CELF2: variants seen among roughly 807,000 people sequenced by gnomAD.
CELF2 encodes the protein CUGBP Elav-like family member 2, also known as CUG triplet repeat RNA-binding protein 2.
CELF2 carries 8 observed loss-of-function variants against 62.6 expected under a neutral mutation model. The observed-to-expected ratio is 0.13, with a 90% CI of 0.07 to 0.23. The LOEUF is 0.23. Among genes scored for constraint, CELF2 ranks in the 10% least tolerant of loss-of-function variants. The pLI is 1.00. For synonymous variants in CELF2, 258 were observed against 250.0 expected (o/e 1.03, Z -0.30); for missense variants, 333 against 671.0 (o/e 0.50, Z 5.56).
chr10:11,123,514 T>A (rs1029971136), intron 1 of CELF2, among the ~76,000 whole-genome samples: 2 of 152,114 alleles, frequency 1.3e-5, no homozygotes, highest in Admixed American at 1.3e-4. Flanking sequence ...CCTCCCAAAG[T>A]GCTGAGATTA....
At chr10:11,283,767 C>G (rs1268942747) in intron 8 of CELF2, among the ~76,000 whole-genome samples, 1 of 147,342 alleles carries the variant, frequency 6.8e-6, no homozygotes, top group African/African-American at 2.5e-5. Context: ...TGTCATTAAT[C>G]AGTGCCAGAT....
At chr10:10,814,639 T>C (rs1458430245) in intron 1 of CELF2, among the ~76,000 whole-genome samples, 1 of 152,178 alleles carries the variant, frequency 6.6e-6, no homozygotes, top group Non-Finnish European at 1.5e-5. Flanking sequence ...AGATTTAAGA[T>C]TTTGAGCTGG....
intron 1 of CELF2, among the ~76,000 whole-genome samples, chr10:10,800,113 G>A (rs2054512899): frequency 6.6e-6 from 1 of 152,064 alleles, no homozygotes; most frequent in South Asian, 2.1e-4. Flanking sequence ...TTATTTTTAA[G>A]AACAAGATTA....
At chr10:11,099,486 A>G (rs1375631934) in intron 1 of CELF2, among the ~76,000 whole-genome samples, 1 of 151,888 alleles carries the variant, frequency 6.6e-6, no homozygotes, top group Non-Finnish European at 1.5e-5. Flanking sequence ...TTGGCTCTTT[A>G]CGAGGTCTTT....
chr10:10,699,145 A>AT, the CELF2 span, among the ~76,000 whole-genome samples: 2 of 152,192 alleles, frequency 1.3e-5, no homozygotes, highest in African/African-American at 4.8e-5. Flanking sequence ...AAAACAGTAG[A>AT]TGTAAAAGAT....
chr10:10,698,596 T>A, the CELF2 span, among the ~76,000 whole-genome samples: 3,463 of 152,324 alleles, frequency 0.023, 107 homozygotes, highest in South Asian at 0.081. Flanking sequence ...CTGGGTGAGG[T>A]GTGTATTTAA....
chr10:10,896,162 A>G (rs1230443403), intron 1 of CELF2, among the ~76,000 whole-genome samples: 2 of 152,214 alleles, frequency 1.3e-5, no homozygotes, highest in Non-Finnish European at 2.9e-5. Flanking sequence ...ATTAAAGGTC[A>G]TAGTGACTGG....
chr10:10,489,734 A>G, the CELF2 span, among the ~76,000 whole-genome samples: 1 of 152,064 alleles, frequency 6.6e-6, no homozygotes, highest in Non-Finnish European at 1.5e-5. Context: ...GTGCTAATAT[A>G]TCCTGTGTGG....
the CELF2 span, among the ~76,000 whole-genome samples, chr10:10,535,124 A>G: frequency 6.6e-6 from 1 of 152,202 alleles, no homozygotes; most frequent in African/African-American, 2.4e-5. Context: ...GTGTTAGAGA[A>G]GTTGAAGCAC....
chr10:11,089,757 G>A (rs1232991983), intron 1 of CELF2, among the ~76,000 whole-genome samples: 1 of 152,160 alleles, frequency 6.6e-6, no homozygotes, highest in Non-Finnish European at 1.5e-5. Flanking sequence ...GTTCACAATA[G>A]CAAAGACACG....
At chr10:11,282,973 G>T (rs1198675219) in intron 8 of CELF2, among the ~76,000 whole-genome samples, 2 of 152,218 alleles carry the variant, frequency 1.3e-5, no homozygotes, top group Admixed American at 6.5e-5. Flanking sequence ...TCACTCTGTT[G>T]CCCAGGCTGG....
the CELF2 span, among the ~76,000 whole-genome samples, chr10:10,788,680 C>G: frequency 2.0e-5 from 3 of 151,988 alleles, no homozygotes; most frequent in Non-Finnish European, 2.9e-5. Flanking sequence ...CCAGGCTGAT[C>G]TCGAACTCCT....
intron 1 of CELF2, among the ~76,000 whole-genome samples, chr10:10,877,886 G>A (rs949039937): frequency 3.3e-5 from 5 of 152,152 alleles, no homozygotes; most frequent in African/African-American, 4.8e-5. Flanking sequence ...CTGACCTCCT[G>A]TAGTTGAGAG....
chr10:10,718,983 C>G, the CELF2 span, among the ~76,000 whole-genome samples: 6 of 142,616 alleles, frequency 4.2e-5, no homozygotes, highest in Non-Finnish European at 7.6e-5. Context: ...CTTTATTATT[C>G]TCTTTTTTTT....
chr10:11,129,221 A>T (rs544192222), intron 1 of CELF2, among the ~76,000 whole-genome samples: 1 of 152,310 alleles, frequency 6.6e-6, no homozygotes, highest in East Asian at 1.9e-4. Flanking sequence ...CATCCCAGGG[A>T]TGAAGCCGAC....
intron 2 of CELF2, among the ~76,000 whole-genome samples, chr10:11,206,002 T>C (rs1051009120): frequency 6.6e-6 from 1 of 152,250 alleles, no homozygotes; most frequent in African/African-American, 2.4e-5. Context: ...AAGTAGATTA[T>C]GACGTCCTTA....
At chr10:11,106,618 C>T (rs72773940) in intron 1 of CELF2, among the ~76,000 whole-genome samples, 3,367 of 152,354 alleles carry the variant, frequency 0.022, 47 homozygotes, top group Middle Eastern at 0.051. Context: ...GACAAGGACC[C>T]AGCACCCTCC....
intron 1 of CELF2, among the ~76,000 whole-genome samples, chr10:10,903,681 G>C (rs1371449617): frequency 1.3e-5 from 2 of 152,112 alleles, no homozygotes. Context: ...TTTCAGAAGG[G>C]CCTCCATGGT....
chr10:10,594,863 C>T, the CELF2 span, among the ~76,000 whole-genome samples: 1 of 151,894 alleles, frequency 6.6e-6, no homozygotes, highest in Non-Finnish European at 1.5e-5. Flanking sequence ...TAAGTCAGTT[C>T]TTTCAGGAGT....
Sources: gnomAD v4.1 joint callset for allele counts (sites outside exome capture counted in the v4.1 genomes callset) on GRCh38, gnomAD v4.1.1 for gene constraint, MANE v1.5 for transcripts, NCBI Gene and HGNC (gene_info 2026-07-23, HGNC 2026-07-21) for gene names.